Variants in GRAMD4 observed in about 807,000 individuals in gnomAD.
GRAMD4 encodes the protein GRAM domain-containing protein 4.
In GRAMD4, 25 loss-of-function variants were observed where a neutral mutation model predicts 83.9. That is an observed-to-expected ratio of 0.30 (90% CI 0.22 to 0.42). GRAMD4 has a LOEUF of 0.42. GRAMD4 is among the 10% of genes least tolerant of loss of function. The probability of loss-of-function intolerance (pLI) is 1.00; values close to 1 mark genes in which losing one functional copy is unlikely to be tolerated. For missense variants in GRAMD4, 593 were observed against 788.7 expected (o/e 0.75, Z 2.97); for synonymous variants, 336 against 320.9 (o/e 1.05, Z -0.50).
At chr22:46,643,138 T>TTTATCCATC (rs1569283818) in intron 3 of GRAMD4, among the ~76,000 whole-genome samples, 1 of 53,544 alleles carries the variant, frequency 1.9e-5, no homozygotes, top group African/African-American at 8.7e-5. Context: ...CATCCATGCA[T>TTTATCCATC]CCTTCCATCC....
At chr22:46,624,284 C>T (rs1177735184) in intron 1 of GRAMD4, among the ~76,000 whole-genome samples, 1 of 123,182 alleles carries the variant, frequency 8.1e-6, no homozygotes, top group Non-Finnish European at 1.7e-5. Flanking sequence ...CTTCCATCTT[C>T]TTCTCTCTAG....
chr22:46,674,633 G>A (rs745735146), intron 15 of GRAMD4, 24 bp from the exon 16 acceptor site: 3 of 1,530,622 alleles, frequency 2.0e-6, no homozygotes, highest in South Asian at 1.1e-5. Context: ...TGGAAAGTGT[G>A]ACAGGCGGGC....
intron 1 of GRAMD4, among the ~76,000 whole-genome samples, chr22:46,579,399 A>G (rs147051868): frequency 6.6e-6 from 1 of 152,358 alleles, no homozygotes; most frequent in African/African-American, 2.4e-5. Context: ...TTTCTGCTGT[A>G]GAATAGAATA....
intron 2 of GRAMD4, among the ~76,000 whole-genome samples, chr22:46,637,338 C>T (rs564975144): frequency 3.3e-5 from 5 of 151,968 alleles, no homozygotes; most frequent in East Asian, 3.9e-4. Context: ...CTGCAAGCTC[C>T]GCCTCCTGGG....
rs2081585413 is a variant in GRAMD4, at chr22:46,622,175, G to A, written c.-50+1610G>A. Reference sequence around the variant, plus strand: ...TTGCTTGCCTGAGGTGATTGGGAAGGCAGCCCTGGCCTCGGAATTACAGCC... The same window carrying A: ...TTGCTTGCCTGAGGTGATTGGGAAGACAGCCCTGGCCTCGGAATTACAGCC... On this transcript the variant is annotated intron_variant, in intron 1 of 18. Coordinates refer to ENST00000406902, the MANE Select transcript of GRAMD4 (RefSeq NM_015124.5). The surrounding 1 kb of genome is among the most constrained non-coding windows in gnomAD (Gnocchi z 4.0). Among the ~76,000 whole-genome samples, 1 of 152,114 alleles carries A rather than the reference G, an allele frequency of 6.6e-6. No homozygotes were observed. The highest frequency in any genetic ancestry group is 6.5e-5 in the Admixed American group (1 of 15,278).
Position 46,677,412 on chromosome 22 carries a change from G to A in GRAMD4, c.*161G>A, listed in dbSNP as rs1027767234. The A allele has an allele frequency of 2.3e-5, 32 of 1,372,946 alleles. No homozygotes were observed. Among genetic ancestry groups the A allele is most frequent in the Non-Finnish European group, 2.9e-5 (31 of 1,063,472 alleles). 85.0% of individuals were successfully genotyped at this position (1,372,946 alleles called of 1,614,324 possible). On this transcript the variant is annotated 3_prime_UTR_variant, in exon 19 of 19. Transcript: ENST00000406902. ...ATTGTGTTGACCTCTGCGTTTTATC[G>A]ACCAAGAAGGGGCCAGGGCTCACAG...
chr22:46,628,922 G>GTGGTC (rs2081720977), intron 2 of GRAMD4, among the ~76,000 whole-genome samples: 1 of 152,064 alleles, frequency 6.6e-6, no homozygotes, highest in African/African-American at 2.4e-5. Flanking sequence ...GAGGCAGGCC[G>GTGGTC]TGGTCTGGAC....
chr22:46,597,528 C>T (rs919706410), intron 1 of GRAMD4, among the ~76,000 whole-genome samples: 2 of 152,146 alleles, frequency 1.3e-5, no homozygotes, highest in Non-Finnish European at 2.9e-5. Flanking sequence ...CTCGCTCTGT[C>T]GCCCAGGCTG....
intron 1 of GRAMD4, among the ~76,000 whole-genome samples, chr22:46,591,492 G>A (rs751152485): frequency 1.3e-5 from 2 of 152,126 alleles, no homozygotes; most frequent in African/African-American, 2.4e-5. Flanking sequence ...AGCTCCATGA[G>A]GCAGAGGCTA....
intron 1 of GRAMD4, among the ~76,000 whole-genome samples, chr22:46,594,634 G>T (rs1454106804): frequency 6.6e-6 from 1 of 152,060 alleles, no homozygotes; most frequent in Non-Finnish European, 1.5e-5. Flanking sequence ...GATGTCCAGG[G>T]GTAAAGTGGA....
intron 3 of GRAMD4, among the ~76,000 whole-genome samples, chr22:46,652,726 G>A (rs1417037732): frequency 1.3e-5 from 2 of 152,246 alleles, no homozygotes; most frequent in African/African-American, 2.4e-5. Flanking sequence ...GCAGATTTTC[G>A]GTGCCTGGAC....
chr22:46,663,305 C>G (rs1016483016), intron 6 of GRAMD4, 133 bp downstream of exon 6: 1 of 866,082 alleles, frequency 1.2e-6, no homozygotes, highest in South Asian at 1.7e-5. Flanking sequence ...CTCCTGGAGG[C>G]TCCGCTGTGT....
chr22:46,665,361 C>T (rs370320959), intron 8 of GRAMD4, among the ~76,000 whole-genome samples: 50 of 152,368 alleles, frequency 3.3e-4, no homozygotes, highest in African/African-American at 1.2e-3. Flanking sequence ...GCATGTGGAA[C>T]CAGCCGCCCT....
intron 1 of GRAMD4, among the ~76,000 whole-genome samples, chr22:46,612,134 G>A (rs1428962718): frequency 2.7e-5 from 4 of 150,632 alleles, no homozygotes; most frequent in Admixed American, 2.6e-4. Flanking sequence ...CTTCTGAGAA[G>A]CTGGGACTAC....
At chr22:46,627,103 G>GC in intron 2 of GRAMD4, 142 bp downstream of exon 2, 1 of 634,468 alleles carries the variant, frequency 1.6e-6, no homozygotes, top group Non-Finnish European at 2.8e-6. Context: ...TGTCTCACCT[G>GC]CTCCCGACCC....
rs1366475087 is a variant in GRAMD4 at position 46,621,113 on chromosome 22, G to T, written c.-50+548G>T. Among the ~76,000 whole-genome samples, 2 of 152,026 alleles carry T rather than the reference G, an allele frequency of 1.3e-5. No homozygotes were observed. The highest frequency in any genetic ancestry group is 2.9e-5 in the Non-Finnish European group (2 of 67,996). ...GGATGGGCAGCTAGAAGTGGGGAGG[G>T]CAGGGGCCGTCTGGTTGGGGATGCG... On this transcript the variant is annotated intron_variant, in intron 1 of 18. Coordinates refer to ENST00000406902, the MANE Select transcript of GRAMD4 (RefSeq NM_015124.5). The surrounding 1 kb of genome is among the most constrained non-coding windows in gnomAD (Gnocchi z 5.8).
chr22:46,655,065 C>G (rs2082222828), intron 3 of GRAMD4, among the ~76,000 whole-genome samples: 1 of 152,200 alleles, frequency 6.6e-6, no homozygotes, highest in Admixed American at 6.5e-5. Context: ...GGGGTCAGGA[C>G]TGAGGCTGAG....
In GRAMD4 at chr22:46,677,354, C is replaced by A. The variant is rs530814661; in HGVS notation, c.*103C>A. 1.4e-6 allele frequency: 2 copies of A among 1,459,850 alleles called. No homozygotes were observed. Among genetic ancestry groups the A allele is most frequent in the African/African-American group, 1.4e-5 (1 of 69,642 alleles). The allele number at this position is 1,459,850 out of a possible 1,614,324, so 90.4% of individuals were successfully genotyped here. A position where few individuals can be genotyped will look rare whatever the true frequency, so the allele number is the denominator to read the frequency against. ...GGAAACAATTGGACATCCTCATGAG[C>A]TTTTGCAATAATTCTCCTGGACCTG... On this transcript the variant is annotated 3_prime_UTR_variant, in exon 19 of 19. Transcript: ENST00000406902.
At chr22:46,580,967 C>CAAA (rs558020415) in intron 1 of GRAMD4, among the ~76,000 whole-genome samples, 8 of 86,912 alleles carry the variant, frequency 9.2e-5, no homozygotes, top group Admixed American at 2.5e-4. Flanking sequence ...AACTCCATCT[C>CAAA]AAAAAAAAAA....
Sources: allele counts gnomAD v4.1 joint callset (sites outside exome capture counted in the v4.1 genomes callset), GRCh38; gene constraint gnomAD v4.1.1; non-coding constraint Gnocchi (gnomAD v3.1); transcripts MANE v1.5; gene names NCBI Gene and HGNC (gene_info 2026-07-23, HGNC 2026-07-21).